The following EFNA5 variants were observed in gnomAD, a reference collection of about 807,000 sequenced individuals.
EFNA5 encodes the protein ephrin A5, also known as ephrin-A5.
EFNA5 carries 5 observed loss-of-function variants against 22.9 expected under a neutral mutation model. That is an observed-to-expected ratio of 0.22 (90% confidence interval 0.11 to 0.46). The LOEUF (loss-of-function observed/expected upper bound fraction) is 0.46. Ranked by LOEUF, EFNA5 falls within the 20% of genes least tolerant of loss-of-function variation. EFNA5 has a pLI of 0.99. For missense variants in EFNA5, 237 were observed against 293.3 expected (o/e 0.81, Z 1.40); for synonymous variants, 113 against 112.2 (o/e 1.01, Z -0.04).
chr5:107,640,976 GTAGATAGATAGATAGATAGA>G (rs55898305), intron 1 of EFNA5, among the ~76,000 whole-genome samples: 6 of 145,454 alleles, frequency 4.1e-5, no homozygotes, highest in African/African-American at 1.5e-4. Flanking sequence ...AGGTAGGCAG[GTAGATAGATAGATAGATAGA>G]TAGATAGATA....
chr5:107,495,149 C>T (rs552103623), intron 1 of EFNA5, among the ~76,000 whole-genome samples: 6 of 152,298 alleles, frequency 3.9e-5, no homozygotes, highest in South Asian at 2.1e-4. Flanking sequence ...TTTGTTCTTT[C>T]GCTCTTTGCA....
intron 1 of EFNA5, among the ~76,000 whole-genome samples, chr5:107,483,007 T>C (rs551569610): frequency 6.0e-4 from 91 of 152,184 alleles, no homozygotes; most frequent in African/African-American, 2.0e-3. Flanking sequence ...CAATGTTTCA[T>C]ATCTCATGAA....
chr5:107,641,009 T>TAGAC (rs1424332169), intron 1 of EFNA5, among the ~76,000 whole-genome samples: 5 of 142,418 alleles, frequency 3.5e-5, no homozygotes, highest in Admixed American at 3.5e-4. Context: ...GATAGATAGA[T>TAGAC]AGATAGATAG....
chr5:107,509,636 G>A (rs1747324319), intron 1 of EFNA5, among the ~76,000 whole-genome samples: 1 of 151,870 alleles, frequency 6.6e-6, no homozygotes, highest in Non-Finnish European at 1.5e-5. Context: ...CGGCCTGAGT[G>A]TCAACTCTTT....
Position 107,379,727 on chromosome 5 carries a change from G to C in EFNA5, c.*1528C>G, listed in dbSNP as rs150963736. 6.6e-6 allele frequency: 1 copy of C among 152,180 alleles called. No individual in the cohort carries two copies. Among genetic ancestry groups the C allele is most frequent in the Non-Finnish European group, 1.5e-5 (1 of 68,018 alleles). The allele number at this position is 152,180 out of a possible 1,614,324, so 9.4% of individuals were successfully genotyped here. On this transcript the variant is annotated 3_prime_UTR_variant, in exon 5 of 5. Coordinates refer to ENST00000333274, the MANE Select transcript of EFNA5 (RefSeq NM_001962.3). ...TGGCCATGCTAAGATTCCTTCAACA[G>C]GGTCATCCTGCATTTATTCTCCTTC...
intron 1 of EFNA5, among the ~76,000 whole-genome samples, chr5:107,509,075 T>C (rs1561417163): frequency 2.0e-5 from 3 of 152,240 alleles, no homozygotes; most frequent in Admixed American, 1.3e-4. Flanking sequence ...AATTTATTTA[T>C]AGGATGGCTT....
intron 1 of EFNA5, among the ~76,000 whole-genome samples, chr5:107,445,195 A>G (rs1208434568): frequency 2.6e-5 from 4 of 151,842 alleles, no homozygotes. Flanking sequence ...GCTAATTTTT[A>G]TATTTTTAGT....
At chr5:107,458,317 TA>T (rs561275506) in intron 1 of EFNA5, among the ~76,000 whole-genome samples, 707 of 152,268 alleles carry the variant, frequency 4.6e-3, no homozygotes, top group Non-Finnish European at 7.8e-3. Flanking sequence ...CAAGGATGAA[TA>T]GAAAATAATT....
At chr5:107,396,697 T>C (rs985653955) in intron 2 of EFNA5, among the ~76,000 whole-genome samples, 6 of 152,132 alleles carry the variant, frequency 3.9e-5, no homozygotes, top group African/African-American at 1.4e-4. Flanking sequence ...ACTTGTTATT[T>C]TGTGTGTGTT....
chr5:107,548,046 C>T (rs752814219), intron 1 of EFNA5, among the ~76,000 whole-genome samples: 3 of 152,120 alleles, frequency 2.0e-5, no homozygotes, highest in Admixed American at 2.0e-4. Flanking sequence ...GAAGAATAAA[C>T]TACCTTTAGA....
At chr5:107,502,965 C>A (rs574417595) in intron 1 of EFNA5, among the ~76,000 whole-genome samples, 1 of 152,298 alleles carries the variant, frequency 6.6e-6, no homozygotes, top group East Asian at 1.9e-4. Context: ...TCAGGAGCAG[C>A]TTGCTAAATT....
chr5:107,581,610 T>C (rs1266601027), intron 1 of EFNA5, among the ~76,000 whole-genome samples: 1 of 152,200 alleles, frequency 6.6e-6, no homozygotes, highest in Non-Finnish European at 1.5e-5. Flanking sequence ...TGGGATTGAA[T>C]TTCCCCAGAC....
intron 1 of EFNA5, among the ~76,000 whole-genome samples, chr5:107,642,444 T>G (rs907635004): frequency 1.4e-5 from 2 of 145,336 alleles, no homozygotes; most frequent in African/African-American, 5.1e-5. Flanking sequence ...ACCATAGATA[T>G]ATACAATTTT....
chr5:107,509,309 T>G (rs991404831), intron 1 of EFNA5, among the ~76,000 whole-genome samples: 3 of 151,662 alleles, frequency 2.0e-5, no homozygotes, highest in African/African-American at 7.3e-5. Flanking sequence ...TCAACTCTTT[T>G]TCTTTTCCTT....
At chr5:107,636,590 C>T (rs1750377539) in intron 1 of EFNA5, among the ~76,000 whole-genome samples, 1 of 152,156 alleles carries the variant, frequency 6.6e-6, no homozygotes, top group South Asian at 2.1e-4. Flanking sequence ...TATGTATTTC[C>T]AGAAGAGTTA....
At chr5:107,424,397 T>G in intron 2 of EFNA5, among the ~76,000 whole-genome samples, 1 of 145,602 alleles carries the variant, frequency 6.9e-6, no homozygotes, top group Middle Eastern at 3.5e-3. Flanking sequence ...TTTTTTTTTT[T>G]AGTAGCGATG....
At chr5:107,661,388 C>T (rs1201448615) in intron 1 of EFNA5, among the ~76,000 whole-genome samples, 2 of 152,160 alleles carry the variant, frequency 1.3e-5, no homozygotes, top group African/African-American at 4.8e-5. Context: ...AAGACTGATA[C>T]TTTGGAGGTC....
Position 107,503,103 on chromosome 5 carries a change from G to A in EFNA5, c.126-75594C>T, listed in dbSNP as rs545610858. ...ATCACAGCATGTTGGGAAAGGGCGG[G>A]CACAGGGTGCAGTTTCAGCTGTGAA... On this transcript the variant is annotated intron_variant, in intron 1 of 4. Transcript: ENST00000333274. 2.6e-4 allele frequency among the ~76,000 whole-genome samples: 40 copies of A among 152,272 alleles called. No homozygotes were observed. The Middle Eastern group carries it at 0.01, about 39-fold the overall frequency.
intron 1 of EFNA5, among the ~76,000 whole-genome samples, chr5:107,486,113 C>T (rs1401620493): frequency 2.0e-5 from 3 of 152,160 alleles, no homozygotes; most frequent in African/African-American, 7.2e-5. Flanking sequence ...AAACAGAGAC[C>T]AATCCTTATT....
Sources: allele counts gnomAD v4.1 joint callset (sites outside exome capture counted in the v4.1 genomes callset), GRCh38; gene constraint gnomAD v4.1.1; transcripts MANE v1.5; gene names NCBI Gene and HGNC (gene_info 2026-07-23, HGNC 2026-07-21).